TPD52L1: variants seen among roughly 807,000 people sequenced by gnomAD.
The protein encoded by TPD52L1 is TPD52 like 1, also known as tumor protein D53.
TPD52L1 carries 18 observed loss-of-function variants against 28.7 expected under a neutral mutation model. The ratio of observed to expected loss-of-function variants is 0.63; its 90% CI spans 0.43 to 0.93. The LOEUF (loss-of-function observed/expected upper bound fraction) is 0.93, where lower values mean the gene tolerates loss of function less well. Ranked by LOEUF, TPD52L1 falls within the 40% of genes least tolerant of loss-of-function variation. The probability of loss-of-function intolerance (pLI) is 0.00; values close to 1 mark genes in which losing one functional copy is unlikely to be tolerated. For missense variants in TPD52L1, 203 were observed against 254.8 expected, an observed-to-expected ratio of 0.80 and a Z score of 1.39; for synonymous variants, 75 against 88.8, an observed-to-expected ratio of 0.84 and a Z score of 0.88.
chr6:125,212,114 T>G (rs1324365941), intron 1 of TPD52L1, among the ~76,000 whole-genome samples: 1 of 152,204 alleles, frequency 6.6e-6, no homozygotes, highest in Admixed American at 6.5e-5. Flanking sequence ...TAAGGAATGC[T>G]TGAGGTTATT....
intron 1 of TPD52L1, among the ~76,000 whole-genome samples, chr6:125,156,463 CAA>C (rs758623258): frequency 2.9e-3 from 109 of 37,228 alleles, no homozygotes; most frequent in African/African-American, 9.7e-3. Flanking sequence ...GACCTTGTCT[CAA>C]AAAAAAAAAA....
At chr6:125,235,775 G>A (rs376998455) in intron 3 of TPD52L1, among the ~76,000 whole-genome samples, 19 of 152,266 alleles carry the variant, frequency 1.2e-4, no homozygotes, top group African/African-American at 3.4e-4. Flanking sequence ...GCTCAGTGGC[G>A]CTTGCCTATA....
At chr6:125,233,612 ATAATCT>A (rs1363225517) in intron 3 of TPD52L1, among the ~76,000 whole-genome samples, 1 of 152,244 alleles carries the variant, frequency 6.6e-6, no homozygotes, top group African/African-American at 2.4e-5. Flanking sequence ...TTGGAATAAA[ATAATCT>A]TAAATGTTTT....
chr6:125,170,518 T>C (rs1477343960), intron 1 of TPD52L1, among the ~76,000 whole-genome samples: 1 of 151,958 alleles, frequency 6.6e-6, no homozygotes, highest in African/African-American at 2.4e-5. Flanking sequence ...AATCTCAGTG[T>C]TACTCTCCAG....
chr6:125,207,438 C>T (rs1403031670), intron 1 of TPD52L1, among the ~76,000 whole-genome samples: 1 of 152,202 alleles, frequency 6.6e-6, no homozygotes, highest in Non-Finnish European at 1.5e-5. Context: ...AGACGATTCT[C>T]CATAGATCTC....
Position 125,264,262 on chromosome 6 carries a change from C to T in TPD52L1, c.*1300C>T, listed in dbSNP as rs1433775957. The T allele has an allele frequency of 6.6e-6, 1 of 151,950 alleles. No individual in the cohort carries two copies. The highest frequency in any genetic ancestry group is 1.5e-5 in the Non-Finnish European group (1 of 67,996). The allele number at this position is 151,950 out of a possible 1,614,324, so 9.4% of individuals were successfully genotyped here. A position where few individuals can be genotyped will look rare whatever the true frequency, so the allele number is the denominator to read the frequency against. On this transcript the variant is annotated 3_prime_UTR_variant, in exon 7 of 7. Coordinates refer to ENST00000534000, the MANE Select transcript of TPD52L1 (RefSeq NM_003287.4). ...GTAAAATGCACACTGAATAGACATC[C>T]AACCTAAAAAAAATCACTATTTAAA...
chr6:125,261,034 AAGAAAGAAAGAAAGAAAAGGGG>A (rs1464072834), intron 6 of TPD52L1: 13 of 131,992 alleles, frequency 9.8e-5, no homozygotes, highest in African/African-American at 4.1e-4. Context: ...AAAAGAAAGA[AAGAAAGAAAGAAAGAAAAGGGG>A]AAGGGGAAGG....
At chr6:125,185,360 A>G (rs796469249) in intron 1 of TPD52L1, among the ~76,000 whole-genome samples, 2 of 152,336 alleles carry the variant, frequency 1.3e-5, no homozygotes, top group African/African-American at 4.8e-5. Context: ...TAGTGCCATG[A>G]AACATTTAGA....
chr6:125,168,049 C>G (rs1791021737), intron 1 of TPD52L1, among the ~76,000 whole-genome samples: 1 of 152,180 alleles, frequency 6.6e-6, no homozygotes, highest in South Asian at 2.1e-4. Context: ...TCAGTTCTAT[C>G]AAGCACTGCC....
At chr6:125,190,569 A>G (rs1792969150) in intron 1 of TPD52L1, among the ~76,000 whole-genome samples, 1 of 152,120 alleles carries the variant, frequency 6.6e-6, no homozygotes, top group South Asian at 2.1e-4. Context: ...TTCTATTATT[A>G]TTATATTGTA....
intron 1 of TPD52L1, among the ~76,000 whole-genome samples, chr6:125,168,898 A>G (rs1791092661): frequency 6.6e-6 from 1 of 152,184 alleles, no homozygotes; most frequent in African/African-American, 2.4e-5. Context: ...TTCAAACATA[A>G]TGGCCCCATA....
intron 1 of TPD52L1, among the ~76,000 whole-genome samples, chr6:125,155,755 T>C (rs990835116): frequency 3.3e-5 from 5 of 152,156 alleles, no homozygotes; most frequent in African/African-American, 1.2e-4. Flanking sequence ...GAAGAGCAGA[T>C]TGTTTATTGT....
intron 5 of TPD52L1, among the ~76,000 whole-genome samples, chr6:125,256,442 A>G (rs1447310658): frequency 2.0e-5 from 3 of 152,250 alleles, no homozygotes; most frequent in African/African-American, 7.2e-5. Context: ...ACGCATGCTA[A>G]TAACCTCCAT....
rs770408400 is a variant in TPD52L1, at chr6:125,229,142, C to A, written c.160C>A (p.Arg54=). 2 of 1,613,160 alleles carry A rather than the reference C, an allele frequency of 1.2e-6. No individual in the cohort carries two copies. The highest frequency in any genetic ancestry group is 8.5e-7 in the Non-Finnish European group (1 of 1,179,612). The part of the protein sequence containing the change: ...VQLEDEITTL[R]QVLSAKERHL... ...GCTAGAAGACGAAATTACAACACTACGACAAGTTTTGTCAGCGAAAGAAAG... is the reference window on the plus strand; with the variant it reads ...GCTAGAAGACGAAATTACAACACTAAGACAAGTTTTGTCAGCGAAAGAAAG... The change falls in exon 3 of 7, where the codon CGA becomes AGA. Residue 54 remains arginine (R), a synonymous_variant. Transcript: ENST00000534000.
Position 125,258,613 on chromosome 6 carries a change from G to A in TPD52L1, c.486+1455G>A, listed in dbSNP as rs536907755. ...AAGGAGATATGAAGAAGCAAAAGAA[G>A]AATAAAGAACAACCCATTTTCATTT... On this transcript the variant is annotated intron_variant, in intron 6 of 6. Coordinates refer to ENST00000534000, the MANE Select transcript of TPD52L1 (RefSeq NM_003287.4). Among the ~76,000 whole-genome samples the A allele has an allele frequency of 5.3e-5, 8 of 152,184 alleles. No individual in the cohort carries two copies. The South Asian group carries it at 1.7e-3, about 32-fold the overall frequency.
At chr6:125,212,223 T>C (rs1745977373) in intron 1 of TPD52L1, among the ~76,000 whole-genome samples, 1 of 152,214 alleles carries the variant, frequency 6.6e-6, no homozygotes, top group Non-Finnish European at 1.5e-5. Context: ...AGCTACTTTA[T>C]TGCATTCCTT....
chr6:125,186,994 G>A (rs146961594), intron 1 of TPD52L1, among the ~76,000 whole-genome samples: 1 of 152,204 alleles, frequency 6.6e-6, no homozygotes, highest in East Asian at 1.9e-4. Flanking sequence ...TTAAATATTT[G>A]CAAGAAAAAA....
intron 1 of TPD52L1, chr6:125,203,579 T>C: frequency 1.0e-6 from 1 of 965,444 alleles, no homozygotes; most frequent in African/African-American, 1.8e-5. Flanking sequence ...AAAGTAGAGC[T>C]GTTGTTTGTC....
At chr6:125,194,155 T>C (rs1049573553) in intron 1 of TPD52L1, among the ~76,000 whole-genome samples, 7 of 152,074 alleles carry the variant, frequency 4.6e-5, no homozygotes, top group Non-Finnish European at 7.4e-5. Context: ...TTTTACTTAA[T>C]TATAGGATTA....
Sources: allele counts gnomAD v4.1 joint callset (sites outside exome capture counted in the v4.1 genomes callset), GRCh38; gene constraint gnomAD v4.1.1; transcripts MANE v1.5; gene names NCBI Gene and HGNC (gene_info 2026-07-23, HGNC 2026-07-21).